Variants in CFHR2 observed in about 807,000 individuals in gnomAD.
CFHR2 encodes complement factor H related 2.
CFHR2 carries 22 observed loss-of-function variants against 21.7 expected under a neutral mutation model. The observed-to-expected ratio is 1.01, with a 90% CI of 0.72 to 1.45. CFHR2 has a LOEUF of 1.45. CFHR2 is among the 40% of genes most tolerant of loss of function. The pLI, the probability that CFHR2 is intolerant of heterozygous loss-of-function variation, is 0.00. For synonymous variants in CFHR2, 98 were observed against 97.4 expected (o/e 1.01, Z -0.04); for missense variants, 294 against 293.3 (o/e 1.00, Z -0.02).
intron 3 of CFHR2, among the ~76,000 whole-genome samples, chr1:196,953,418 G>T (rs1314136861): frequency 1.3e-5 from 2 of 152,058 alleles, no homozygotes; most frequent in Admixed American, 1.3e-4. Context: ...GAGTAGTTGG[G>T]ATTACAGGCA....
At position 196,959,055 on chromosome 1, in the gene CFHR2, T is replaced by C; in HGVS notation, c.788T>C (p.Val263Ala). Residue 263 changes from valine to alanine, a missense_variant, in exon 5 of 5, where the codon GTA becomes GCA. Transcript: ENST00000367415. ...FRAMCQNGKL[V>A]YPSCEEK ...GCAATGTGTCAGAATGGGAAACTGG[T>C]ATATCCCAGTTGTGAAGAAAAATAG... 2.5e-6 allele frequency: 4 copies of C among 1,610,494 alleles called. No individual in the cohort carries two copies. The highest frequency in any genetic ancestry group is 3.4e-6 in the Non-Finnish European group (4 of 1,177,624).
rs538118899 is a variant in CFHR2 at position 196,950,982 on chromosome 1, A to C, written c.384A>C (p.Ser128=). The C allele has an allele frequency of 3.8e-5, 61 of 1,614,056 alleles. No homozygotes were observed. The Admixed American group carries it at 1.0e-3, about 27-fold the overall frequency. Residue 128 remains serine (S), a synonymous_variant, in exon 3 of 5, where the codon TCA becomes TCC. Transcript: ENST00000367415. The part of the protein sequence containing the change: ...YRLQNNENNI[S]CVERGWSTPP... ...TTCAAAACAATGAGAACAACATTTC[A>C]TGTGTAGAACGGGGCTGGTCCACTC...
At position 196,959,164 on chromosome 1, in the gene CFHR2, C is replaced by T. The variant is rs540930130; in HGVS notation, c.*84C>T. The T allele has an allele frequency of 2.3e-4, 224 of 964,512 alleles. No individual in the cohort carries two copies. The highest frequency in any genetic ancestry group is 1.8e-3 in the South Asian group (102 of 55,668). The allele number at this position is 964,512 out of a possible 1,614,324, so 59.7% of individuals were successfully genotyped here. ...TGTTTTCAATTTCATTTTTCAAGTACTGTTTTACTCATTTTTATTCATAAA... is the reference window on the plus strand; with the variant it reads ...TGTTTTCAATTTCATTTTTCAAGTATTGTTTTACTCATTTTTATTCATAAA... On this transcript the variant is annotated 3_prime_UTR_variant, in exon 5 of 5. Transcript: ENST00000367415.
At chr1:196,949,262 A>G (rs773757931) in intron 1 of CFHR2, among the ~76,000 whole-genome samples, 193 bp from the exon 2 acceptor site, 11 of 152,134 alleles carry the variant, frequency 7.2e-5, no homozygotes, top group Non-Finnish European at 1.3e-4. Context: ...ATTAACAATT[A>G]CCTCCTCAAA....
intron 1 of CFHR2, 91 bp from the exon 2 acceptor site, chr1:196,949,364 A>G: frequency 7.6e-7 from 1 of 1,321,282 alleles, no homozygotes; most frequent in Non-Finnish European, 1.0e-6. Context: ...TAAATGAAAG[A>G]AAAAAACTAA....
chr1:196,956,887 C>G (rs532544620), intron 3 of CFHR2, among the ~76,000 whole-genome samples: 1 of 152,182 alleles, frequency 6.6e-6, no homozygotes. Flanking sequence ...TTGGCAGGTT[C>G]CATTGCTGCC....
intron 1 of CFHR2, among the ~76,000 whole-genome samples, chr1:196,947,111 G>C (rs1659532652): frequency 6.6e-6 from 1 of 151,510 alleles, no homozygotes; most frequent in Non-Finnish European, 1.5e-5. Flanking sequence ...GTGAATATCT[G>C]TACAACTGTA....
chr1:196,951,556 AT>A (rs1447627333), intron 3 of CFHR2, among the ~76,000 whole-genome samples: 2 of 152,148 alleles, frequency 1.3e-5, no homozygotes, highest in East Asian at 3.8e-4. Flanking sequence ...GGTATAAATG[AT>A]GGCACCTCCC....
rs112814481 is a variant in CFHR2 at position 196,949,662 on chromosome 1, C to G, written c.253+13C>G. The G allele has an allele frequency of 6.2e-7, 1 of 1,613,242 alleles. No homozygotes were observed. The highest frequency in any genetic ancestry group is 8.5e-7 in the Non-Finnish European group (1 of 1,179,398). On this transcript the variant is annotated intron_variant, in intron 2 of 4. Coordinates refer to ENST00000367415, the MANE Select transcript of CFHR2 (RefSeq NM_005666.4). ...CCAAAGTGTCTCAGTGAGTAAATGCCCTGTTCATTAAATGGATGTCATTCA... is the reference window on the plus strand; with the variant it reads ...CCAAAGTGTCTCAGTGAGTAAATGCGCTGTTCATTAAATGGATGTCATTCA...
intron 1 of CFHR2, among the ~76,000 whole-genome samples, chr1:196,948,455 T>C (rs920453137): frequency 6.6e-5 from 10 of 151,920 alleles, no homozygotes; most frequent in African/African-American, 2.4e-4. Context: ...TTTGTATTTT[T>C]AGTAGAGATG....
At chr1:196,949,330 C>T (rs895359673) in intron 1 of CFHR2, 125 bp from the exon 2 acceptor site, 4 of 887,574 alleles carry the variant, frequency 4.5e-6, no homozygotes, top group Non-Finnish European at 6.8e-6. Context: ...CACTGGAGAG[C>T]ATTTAAGCTA....
In CFHR2 at chr1:196,959,149, T is replaced by G; in HGVS notation, c.*69T>G. 8.8e-7 allele frequency: 1 copy of G among 1,137,338 alleles called. No individual in the cohort carries two copies. The highest frequency in any genetic ancestry group is 1.3e-6 in the Non-Finnish European group (1 of 799,162). 70.5% of individuals were successfully genotyped at this position (1,137,338 alleles called of 1,614,324 possible). A position where few individuals can be genotyped will look rare whatever the true frequency, so the allele number is the denominator to read the frequency against. Reference sequence around the variant, plus strand: ...ATTTACTATTATATTTGTTTTCAATTTCATTTTTCAAGTACTGTTTTACTC... The same window carrying G: ...ATTTACTATTATATTTGTTTTCAATGTCATTTTTCAAGTACTGTTTTACTC... On this transcript the variant is annotated 3_prime_UTR_variant, in exon 5 of 5. Transcript: ENST00000367415.
intron 1 of CFHR2, among the ~76,000 whole-genome samples, chr1:196,948,421 G>T (rs1277103147): frequency 6.6e-6 from 1 of 151,726 alleles, no homozygotes; most frequent in Non-Finnish European, 1.5e-5. Flanking sequence ...GATTACAGGT[G>T]TGCACCACCA....
intron 1 of CFHR2, among the ~76,000 whole-genome samples, chr1:196,949,020 A>G (rs1571485130): frequency 6.6e-6 from 1 of 152,090 alleles, no homozygotes; most frequent in African/African-American, 2.4e-5. Context: ...AAAAAATAGG[A>G]CAGAGTTTCT....
chr1:196,957,906 G>T lies in CFHR2; in HGVS notation c.446G>T (p.Cys149Phe). The change falls in exon 4 of 5, where the codon TGT becomes TTT. Residue 149 changes from cysteine to phenylalanine, a missense_variant. Transcript: ENST00000367415. ...KCRSTISAEK[C>F]GPPPPIDNGD... ...GTTTTTTTAGTTTCTGCAGAAAAAT[G>T]TGGGCCCCCTCCACCTATTGACAAT... The T allele has an allele frequency of 6.2e-7, 1 of 1,610,070 alleles. No individual in the cohort carries two copies. The highest frequency in any genetic ancestry group is 8.5e-7 in the Non-Finnish European group (1 of 1,178,104).
intron 3 of CFHR2, 137 bp downstream of exon 3, chr1:196,951,165 C>CCACTTAGACA: frequency 2.8e-6 from 3 of 1,089,024 alleles, no homozygotes; most frequent in Non-Finnish European, 2.6e-6. Context: ...ATTCTCAGTT[C>CCACTTAGACA]CAATTGTGTC....
At chr1:196,952,240 C>T (rs930035269) in intron 3 of CFHR2, among the ~76,000 whole-genome samples, 3 of 152,120 alleles carry the variant, frequency 2.0e-5, no homozygotes, top group Admixed American at 1.3e-4. Flanking sequence ...TGCACCAGTG[C>T]ACTTCAACCT....
chr1:196,958,920 A>G lies in CFHR2; in HGVS notation c.653A>G (p.Asn218Ser). ...VISQEIMEKY[N>S]IKLKWTNQQK... ...TCACAAGAAATTATGGAAAAATATA[A>G]CATAAAATTAAAGTGGACAAACCAA... Residue 218 changes from asparagine to serine, a missense_variant, in exon 5 of 5, where the codon AAC (asparagine) becomes AGC (serine). Physicochemically the swap from Asn to Ser is conservative, Grantham distance 46. Coordinates refer to ENST00000367415, the MANE Select transcript of CFHR2 (RefSeq NM_005666.4). 1 of 1,597,070 alleles carries G rather than the reference A, an allele frequency of 6.3e-7. No homozygotes were observed. The highest frequency in any genetic ancestry group is 8.6e-7 in the Non-Finnish European group (1 of 1,165,818).
Position 196,958,078 on chromosome 1 carries a change from G to C in CFHR2, c.613+5G>C. The C allele has an allele frequency of 6.2e-7, 1 of 1,611,990 alleles. No individual in the cohort carries two copies. The highest frequency in any genetic ancestry group is 8.5e-7 in the Non-Finnish European group (1 of 1,178,286). ...CAGAACCACCAAAATGCTTAGGTAAGTACTTTAATATTCTCATGGATTCTG... is the reference window on the plus strand; with the variant it reads ...CAGAACCACCAAAATGCTTAGGTAACTACTTTAATATTCTCATGGATTCTG... On this transcript the variant is annotated splice_donor_5th_base_variant and intron_variant, in intron 4 of 4. Transcript: ENST00000367415.
Sources: gnomAD v4.1 joint callset for allele counts (sites outside exome capture counted in the v4.1 genomes callset) on GRCh38, gnomAD v4.1.1 for gene constraint, MANE v1.5 for transcripts, NCBI Gene and HGNC (gene_info 2026-07-23, HGNC 2026-07-21) for gene names.